The following GNB4 variants were observed in gnomAD, a reference collection of about 807,000 sequenced individuals.
GNB4 encodes guanine nucleotide-binding protein subunit beta-4.
GNB4 carries 28 observed loss-of-function variants against 45.2 expected under a neutral mutation model. The ratio of observed to expected loss-of-function variants is 0.62; its 90% CI spans 0.46 to 0.85. The LOEUF (loss-of-function observed/expected upper bound fraction) is 0.85, where lower values mean the gene tolerates loss of function less well. Ranked by LOEUF, GNB4 falls within the 40% of genes least tolerant of loss-of-function variation. The pLI is 0.00. For synonymous variants in GNB4, 132 were observed against 143.7 expected, an observed-to-expected ratio of 0.92 and a Z score of 0.58; for missense variants, 321 against 425.4, an observed-to-expected ratio of 0.75 and a Z score of 2.16.
intron 1 of GNB4, among the ~76,000 whole-genome samples, chr3:179,450,053 A>C (rs1359593289): frequency 6.6e-6 from 1 of 152,260 alleles, no homozygotes; most frequent in African/African-American, 2.4e-5. Flanking sequence ...AAGCTGTATC[A>C]ATCAGTTTTA....
the GNB4 span, among the ~76,000 whole-genome samples, chr3:179,487,111 A>G: frequency 2.0e-5 from 3 of 152,222 alleles, no homozygotes; most frequent in Non-Finnish European, 4.4e-5. Flanking sequence ...TCCATTTTAA[A>G]TAAGAGTCAT....
chr3:179,523,987 T>G, the GNB4 span, among the ~76,000 whole-genome samples: 2 of 150,878 alleles, frequency 1.3e-5, no homozygotes, highest in Non-Finnish European at 3.0e-5. Context: ...AGTTGGGGAG[T>G]TTTAAGAGGT....
chr3:179,505,528 T>C, the GNB4 span, among the ~76,000 whole-genome samples: 1 of 152,238 alleles, frequency 6.6e-6, no homozygotes, highest in Non-Finnish European at 1.5e-5. Flanking sequence ...TGGCTTATAA[T>C]GATGATATAT....
chr3:179,520,313 G>A, the GNB4 span, among the ~76,000 whole-genome samples: 15 of 151,838 alleles, frequency 9.9e-5, no homozygotes, highest in East Asian at 1.9e-4. Flanking sequence ...AAAAACACAC[G>A]TGCTCTCCCT....
chr3:179,487,990 G>A, the GNB4 span, among the ~76,000 whole-genome samples: 1 of 151,812 alleles, frequency 6.6e-6, no homozygotes, highest in Admixed American at 6.6e-5. Flanking sequence ...GGCAGAGGTT[G>A]CAGTGAGCAG....
At chr3:179,404,058 C>T (rs972648805) in intron 9 of GNB4, among the ~76,000 whole-genome samples, 4 of 151,934 alleles carry the variant, frequency 2.6e-5, no homozygotes, top group Non-Finnish European at 5.9e-5. Context: ...CGCTCCGAGA[C>T]ACATCAAAAC....
chr3:179,416,424 T>C (rs1560214528), intron 5 of GNB4, 69 bp downstream of exon 5: 2 of 884,550 alleles, frequency 2.3e-6, no homozygotes. Context: ...GGTAAAAGAA[T>C]AAAGGAAAGA....
the GNB4 span, among the ~76,000 whole-genome samples, chr3:179,462,972 G>A: frequency 6.6e-6 from 1 of 152,170 alleles, no homozygotes; most frequent in Non-Finnish European, 1.5e-5. Context: ...ACAGAAGGGA[G>A]TAAACAAGAG....
At position 179,400,778 on chromosome 3, in the gene GNB4, CACAT is replaced by C. The variant is rs1233587675; in HGVS notation, c.*431_*434del. Reference sequence around the variant, plus strand: ...GACTTTCTTCAGACATAAATACACACACATACAGTATCATTTCTGTCTGTTTCTG... The same window carrying C: ...GACTTTCTTCAGACATAAATACACACACAGTATCATTTCTGTCTGTTTCTG... On this transcript the variant is annotated 3_prime_UTR_variant, in exon 10 of 10. Coordinates refer to ENST00000232564, the MANE Select transcript of GNB4 (RefSeq NM_021629.4). 6.5e-6 allele frequency: 1 copy of C among 153,200 alleles called. No homozygotes were observed. The highest frequency in any genetic ancestry group is 1.5e-5 in the Non-Finnish European group (1 of 68,798). The allele number at this position is 153,200 out of a possible 1,614,324, so 9.5% of individuals were successfully genotyped here. A position where few individuals can be genotyped will look rare whatever the true frequency, so the allele number is the denominator to read the frequency against.
the GNB4 span, among the ~76,000 whole-genome samples, chr3:179,493,421 A>T: frequency 1.3e-5 from 2 of 152,106 alleles, no homozygotes; most frequent in Non-Finnish European, 2.9e-5. Context: ...ACTGAGGAAT[A>T]CAATGATTGA....
At chr3:179,418,470 CAAAAAA>C (rs386356535) in intron 4 of GNB4, among the ~76,000 whole-genome samples, 2 of 95,402 alleles carry the variant, frequency 2.1e-5, no homozygotes, top group Non-Finnish European at 4.2e-5. Context: ...AACTCTGTCT[CAAAAAA>C]AAAAAAAAAA....
chr3:179,509,531 A>C, the GNB4 span, among the ~76,000 whole-genome samples: 1 of 152,044 alleles, frequency 6.6e-6, no homozygotes, highest in Non-Finnish European at 1.5e-5. Context: ...CATCCCACGC[A>C]GTCTCCACGT....
At chr3:179,510,956 C>T in the GNB4 span, among the ~76,000 whole-genome samples, 1 of 152,308 alleles carries the variant, frequency 6.6e-6, no homozygotes, top group African/African-American at 2.4e-5. Context: ...CTCTGGGGTC[C>T]TGCTCACTAG....
the GNB4 span, among the ~76,000 whole-genome samples, chr3:179,489,021 T>A: frequency 3.8e-3 from 131 of 34,452 alleles, no homozygotes; most frequent in East Asian, 6.2e-3. Flanking sequence ...AAAAAAAAAA[T>A]ATATATATAT....
the GNB4 span, chr3:179,465,053 A>G: frequency 1.3e-6 from 2 of 1,497,430 alleles, no homozygotes; most frequent in Middle Eastern, 2.2e-4. Flanking sequence ...ATATACTTCC[A>G]AAGAGCAGTT....
intron 1 of GNB4, among the ~76,000 whole-genome samples, chr3:179,446,787 G>A (rs1482519230): frequency 2.6e-5 from 4 of 152,182 alleles, no homozygotes; most frequent in African/African-American, 7.2e-5. Context: ...AACACCTTAC[G>A]TAGCACTAAC....
chr3:179,462,836 C>CA, the GNB4 span, among the ~76,000 whole-genome samples: 5 of 151,702 alleles, frequency 3.3e-5, no homozygotes, highest in Middle Eastern at 3.4e-3. Context: ...AACTCCGTCC[C>CA]CAAAAAAAAA....
intron 4 of GNB4, among the ~76,000 whole-genome samples, chr3:179,418,213 T>C (rs1206316549): frequency 6.6e-6 from 1 of 151,966 alleles, no homozygotes; most frequent in Non-Finnish European, 1.5e-5. Context: ...CACACCTGAT[T>C]AATCCCAGCA....
intron 1 of GNB4, among the ~76,000 whole-genome samples, chr3:179,441,751 C>CA (rs532127011): frequency 0.032 from 4,004 of 124,022 alleles, 157 homozygotes; most frequent in African/African-American, 0.1. Context: ...GACTCCATCT[C>CA]AAAAAAAAAA....
Sources: gnomAD v4.1 joint callset for allele counts (sites outside exome capture counted in the v4.1 genomes callset) on GRCh38, gnomAD v4.1.1 for gene constraint, MANE v1.5 for transcripts, NCBI Gene and HGNC (gene_info 2026-07-23, HGNC 2026-07-21) for gene names.